The following PLA2G5 variants were observed in gnomAD, a reference collection of about 807,000 sequenced individuals.
The protein encoded by PLA2G5 is phospholipase A2 group V, also known as Ca2+-dependent phospholipase A2.
PLA2G5 carries 12 observed loss-of-function variants against 15.9 expected under a neutral mutation model. The ratio of observed to expected loss-of-function variants is 0.76; its 90% CI spans 0.48 to 1.23. PLA2G5 has a LOEUF of 1.23. PLA2G5 is among the 50% of genes most tolerant of loss of function. PLA2G5 has a pLI of 0.00. For synonymous variants in PLA2G5, 71 were observed against 71.4 expected, an observed-to-expected ratio of 0.99 and a Z score of 0.03; for missense variants, 169 against 177.1, an observed-to-expected ratio of 0.95 and a Z score of 0.26.
At chr1:20,067,367 T>C (rs546541656), upstream of PLA2G5, among the ~76,000 whole-genome samples, 46 of 152,270 alleles carry the variant, frequency 3.0e-4, no homozygotes, top group Middle Eastern at 0.017. Context: ...GGGATTTTCC[T>C]TAGTATATAT....
At position 20,083,596 on chromosome 1, in the gene PLA2G5, C is replaced by T. The variant is rs145100419; in HGVS notation, c.-10-1225C>T. On this transcript the variant is annotated intron_variant, in intron 1 of 4. Coordinates refer to ENST00000375108, the MANE Select transcript of PLA2G5 (RefSeq NM_000929.3). ...TGCTGGCCTGAGACACATGGAATTT[C>T]CTGGACTCTAAGCTGGCAATGGCTG... Among the ~76,000 whole-genome samples the T allele has an allele frequency of 6.0e-3, 915 of 152,014 alleles. 9 individuals carry two copies. Among genetic ancestry groups the T allele is most frequent in the Middle Eastern group, 0.034 (10 of 294 alleles).
At chr1:20,087,763 C>T (rs919137836) in intron 3 of PLA2G5, among the ~76,000 whole-genome samples, 2 of 152,102 alleles carry the variant, frequency 1.3e-5, no homozygotes, top group African/African-American at 4.8e-5. Context: ...GAGCCTGGAA[C>T]TTCTTTTAGT....
chr1:20,080,621 T>A (rs1356488137), intron 1 of PLA2G5, among the ~76,000 whole-genome samples: 1 of 149,178 alleles, frequency 6.7e-6, no homozygotes, highest in Non-Finnish European at 1.5e-5. Flanking sequence ...GAATACACAA[T>A]GGAAAAAAAT....
chr1:20,070,332 G>C lies in PLA2G5; in HGVS notation c.-144G>C, dbSNP rs1436145902. 6 of 985,370 alleles carry C rather than the reference G, an allele frequency of 6.1e-6. No individual in the cohort carries two copies. The highest frequency in any genetic ancestry group is 5.2e-4 in the Middle Eastern group (1 of 1,940). 61.0% of individuals were successfully genotyped at this position (985,370 alleles called of 1,614,324 possible). ...GAGGCCAAGAATTTGACTCCCCCCG[G>C]ATCCATGGTCTGTGGATACCAATGT... On this transcript the variant is annotated 5_prime_UTR_variant, in exon 1 of 5. Coordinates refer to ENST00000375108, the MANE Select transcript of PLA2G5 (RefSeq NM_000929.3).
At chr1:20,077,912 C>T (rs373690753) in intron 1 of PLA2G5, among the ~76,000 whole-genome samples, 3 of 152,158 alleles carry the variant, frequency 2.0e-5, no homozygotes, top group African/African-American at 4.8e-5. Flanking sequence ...CTTCTCTGTC[C>T]GGGACACCCC....
At chr1:20,069,826 G>A (rs898076750), upstream of PLA2G5, among the ~76,000 whole-genome samples, 5 of 152,020 alleles carry the variant, frequency 3.3e-5, no homozygotes, top group African/African-American at 1.2e-4. Flanking sequence ...CAACAAATTG[G>A]ATATAAAAAC....
rs2016536299 is a variant in PLA2G5 at position 20,090,866 on chromosome 1, T to A, written c.*174T>A. The stretch of plus-strand genomic sequence containing the variant: ...TACCCTCCAGCGAGTCCCAGGAGAG[T>A]GACTCTGGTCATAGGACTTGGTAGG... On this transcript the variant is annotated 3_prime_UTR_variant, in exon 5 of 5. Coordinates refer to ENST00000375108, the MANE Select transcript of PLA2G5 (RefSeq NM_000929.3). 1.6e-6 allele frequency: 1 copy of A among 641,926 alleles called. No homozygotes were observed. The highest frequency in any genetic ancestry group is 2.7e-6 in the Non-Finnish European group (1 of 371,836). 39.8% of individuals were successfully genotyped at this position (641,926 alleles called of 1,614,324 possible).
intron 2 of PLA2G5, among the ~76,000 whole-genome samples, chr1:20,064,531 T>C (rs980774389): frequency 6.6e-6 from 1 of 150,826 alleles, no homozygotes; most frequent in African/African-American, 2.4e-5. Flanking sequence ...GCTGAGATCA[T>C]GCCACTGTAC....
Position 20,063,183 on chromosome 1 carries a change from A to T in PLA2G5, n.337+3491A>T, listed in dbSNP as rs1218251981. Reference sequence around the variant, plus strand: ...ACTCTAGCCCAGGCAACAGAGTGAGACCACCTCCCTAAAAAAATAAAAATG... The same window carrying T: ...ACTCTAGCCCAGGCAACAGAGTGAGTCCACCTCCCTAAAAAAATAAAAATG... On this transcript the variant is annotated intron_variant and non_coding_transcript_variant, in intron 2 of 6. Transcript: ENST00000460175. Among the ~76,000 whole-genome samples, 2 of 152,116 alleles carry T rather than the reference A, an allele frequency of 1.3e-5. 1 individual carries two copies. The highest frequency in any genetic ancestry group is 1.3e-4 in the Admixed American group (2 of 15,270).
chr1:20,038,426 C>T (rs1443931253), intron 1 of PLA2G5, among the ~76,000 whole-genome samples: 1 of 152,190 alleles, frequency 6.6e-6, no homozygotes, highest in Non-Finnish European at 1.5e-5. Flanking sequence ...AATGGCTTTC[C>T]TGGGGATCAG....
chr1:20,090,333 G>A (rs943926154), intron 4 of PLA2G5, among the ~76,000 whole-genome samples: 1 of 152,196 alleles, frequency 6.6e-6, no homozygotes, highest in African/African-American at 2.4e-5. Flanking sequence ...GAGGAAGGAA[G>A]GTGCTTCCTC....
intron 1 of PLA2G5, among the ~76,000 whole-genome samples, chr1:20,045,810 A>G (rs1361745753): frequency 6.6e-6 from 1 of 152,174 alleles, no homozygotes; most frequent in Admixed American, 6.5e-5. Flanking sequence ...TGCAGGCTGC[A>G]CCCAGATGAA....
intron 1 of PLA2G5, among the ~76,000 whole-genome samples, chr1:20,029,210 C>T (rs371537672): frequency 7.9e-5 from 12 of 152,166 alleles, no homozygotes; most frequent in African/African-American, 2.6e-4. Flanking sequence ...TGGTTCAGGC[C>T]GCTTGGCACC....
intron 2 of PLA2G5, among the ~76,000 whole-genome samples, chr1:20,062,129 G>T (rs1299457829): frequency 6.6e-6 from 1 of 152,136 alleles, no homozygotes. Flanking sequence ...CCGAGCATAC[G>T]CTGGCATCAT....
chr1:20,047,799 G>C (rs906408412), intron 1 of PLA2G5, among the ~76,000 whole-genome samples: 1 of 151,054 alleles, frequency 6.6e-6, no homozygotes, highest in Admixed American at 6.6e-5. Flanking sequence ...TCTATAATTT[G>C]ATGTTTAATT....
intron 1 of PLA2G5, among the ~76,000 whole-genome samples, chr1:20,037,624 T>C (rs1361651538): frequency 1.3e-5 from 2 of 152,226 alleles, no homozygotes; most frequent in African/African-American, 4.8e-5. Flanking sequence ...TGTTATTTTC[T>C]CCTTTCTTGG....
Position 20,089,803 on chromosome 1 carries a change from A to T in PLA2G5, c.200A>T (p.His67Leu). The T allele has an allele frequency of 6.2e-7, 1 of 1,614,086 alleles. No homozygotes were observed. The highest frequency in any genetic ancestry group is 8.5e-7 in the Non-Finnish European group (1 of 1,179,934). Residue 67 changes from histidine to leucine, a missense_variant, in exon 4 of 5, where the codon CAT (histidine) becomes CTT (leucine). Transcript: ENST00000375108. The part of the protein sequence containing the change: ...KDGTDWCCWA[H>L]DHCYGRLEEK... ...TGCACGGACAGGTGCTGTTGGGCGC[A>T]TGACCACTGCTATGGGCGGCTGGAG...
At chr1:20,076,696 C>A (rs2015703491) in intron 1 of PLA2G5, 1 of 152,214 alleles carries the variant, frequency 6.6e-6, no homozygotes, top group Non-Finnish European at 1.5e-5. Context: ...AGCAAATGTT[C>A]ATTAAAGACC....
At chr1:20,060,441 T>C (rs2014664249) in intron 2 of PLA2G5, among the ~76,000 whole-genome samples, 1 of 151,592 alleles carries the variant, frequency 6.6e-6, no homozygotes, top group African/African-American at 2.4e-5. Flanking sequence ...TTAGTAGAGA[T>C]GGGGTTTCAT....
Sources: allele counts gnomAD v4.1 joint callset (sites outside exome capture counted in the v4.1 genomes callset), GRCh38; gene constraint gnomAD v4.1.1; transcripts MANE v1.5; gene names NCBI Gene and HGNC (gene_info 2026-07-23, HGNC 2026-07-21).